NEGR1: variants seen among roughly 807,000 people sequenced by gnomAD.
NEGR1 encodes the protein neuronal growth regulator 1, also known as IgLON family member 4.
Under a neutral mutation model 40.9 loss-of-function variants are expected in NEGR1, and 10 were observed. That is an observed-to-expected ratio of 0.24 (90% CI 0.15 to 0.42). The LOEUF (loss-of-function observed/expected upper bound fraction) is 0.42. NEGR1 is among the 10% of genes least tolerant of loss of function. The probability of loss-of-function intolerance (pLI) is 1.00; values close to 1 mark genes in which losing one functional copy is unlikely to be tolerated. For missense variants in NEGR1, 352 were observed against 438.9 expected (o/e 0.80, Z 1.77); for synonymous variants, 185 against 166.8 (o/e 1.11, Z -0.84).
chr1:71,483,245 G>T (rs1308941117), intron 6 of NEGR1, among the ~76,000 whole-genome samples: 2 of 151,636 alleles, frequency 1.3e-5, no homozygotes, highest in Admixed American at 6.6e-5. Context: ...AAAAAAAATA[G>T]AAAATGAAGG....
chr1:71,858,191 T>A (rs1659840052), intron 2 of NEGR1, among the ~76,000 whole-genome samples: 1 of 152,226 alleles, frequency 6.6e-6, no homozygotes, highest in Non-Finnish European at 1.5e-5. Flanking sequence ...AGAGAGCTAC[T>A]ATTGAGACAT....
intron 1 of NEGR1, among the ~76,000 whole-genome samples, chr1:72,162,420 C>T (rs1361789656): frequency 1.3e-5 from 2 of 152,062 alleles, no homozygotes; most frequent in African/African-American, 4.8e-5. Context: ...CAGCCGAGAT[C>T]GTGCCACTGC....
intron 2 of NEGR1, among the ~76,000 whole-genome samples, chr1:71,898,606 C>CTCCG (rs1157575665): frequency 6.6e-6 from 1 of 151,950 alleles, no homozygotes; most frequent in East Asian, 1.9e-4. Flanking sequence ...CAGAGCGAGA[C>CTCCG]TCCGTCTCAA....
At chr1:71,729,895 G>C (rs1332240289) in intron 3 of NEGR1, among the ~76,000 whole-genome samples, 2 of 150,488 alleles carry the variant, frequency 1.3e-5, no homozygotes, top group African/African-American at 4.9e-5. Flanking sequence ...TCCCAGCCTA[G>C]TTGAATAGTT....
intron 2 of NEGR1, among the ~76,000 whole-genome samples, chr1:71,854,746 GA>G (rs1416715585): frequency 3.3e-5 from 5 of 152,016 alleles, no homozygotes; most frequent in Admixed American, 3.3e-4. Context: ...GCAAAGGGGG[GA>G]AAGTCCCTTA....
chr1:71,753,465 A>G (rs1655634811), intron 3 of NEGR1, among the ~76,000 whole-genome samples: 1 of 152,142 alleles, frequency 6.6e-6, no homozygotes, highest in Non-Finnish European at 1.5e-5. Flanking sequence ...CAGTGGTGTA[A>G]TATATCTCAG....
chr1:71,629,523 G>A (rs1650902213), intron 4 of NEGR1, among the ~76,000 whole-genome samples: 1 of 151,888 alleles, frequency 6.6e-6, no homozygotes, highest in African/African-American at 2.4e-5. Flanking sequence ...TCATGATTCG[G>A]CTTTCTGTTT....
chr1:71,524,634 C>A (rs1230544364), intron 6 of NEGR1, among the ~76,000 whole-genome samples: 2 of 151,584 alleles, frequency 1.3e-5, no homozygotes, highest in African/African-American at 4.8e-5. Flanking sequence ...TGATGACCAT[C>A]CAAAGATGTC....
intron 1 of NEGR1, among the ~76,000 whole-genome samples, chr1:71,954,262 T>C (rs1438109022): frequency 6.6e-6 from 1 of 151,828 alleles, no homozygotes; most frequent in Non-Finnish European, 1.5e-5. Flanking sequence ...CAATAGAGTG[T>C]ATGAAAGAAG....
chr1:72,161,074 C>T (rs1651538609), intron 1 of NEGR1, among the ~76,000 whole-genome samples: 1 of 152,080 alleles, frequency 6.6e-6, no homozygotes, highest in Admixed American at 6.5e-5. Context: ...GCAGTTGTTT[C>T]AGGAACTCCA....
intron 1 of NEGR1, among the ~76,000 whole-genome samples, chr1:72,116,037 C>A (rs1336272574): frequency 6.6e-6 from 1 of 151,606 alleles, no homozygotes; most frequent in East Asian, 1.9e-4. Context: ...CTCTTTAAAA[C>A]AAAAGGTGAA....
chr1:71,463,756 C>A (rs1646728380), intron 6 of NEGR1, among the ~76,000 whole-genome samples: 1 of 152,046 alleles, frequency 6.6e-6, no homozygotes, highest in African/African-American at 2.4e-5. Flanking sequence ...ATATTGAAAG[C>A]AAATTCATAG....
chr1:71,729,202 C>T (rs1394686252), intron 3 of NEGR1, among the ~76,000 whole-genome samples: 1 of 152,050 alleles, frequency 6.6e-6, no homozygotes, highest in Non-Finnish European at 1.5e-5. Flanking sequence ...CCTCACACCA[C>T]CAGTTGTGTG....
chr1:72,176,256 T>C (rs1329162177), intron 1 of NEGR1, among the ~76,000 whole-genome samples: 1 of 152,150 alleles, frequency 6.6e-6, no homozygotes, highest in African/African-American at 2.4e-5. Context: ...CAAACTTTTC[T>C]CTGTGACTAT....
At chr1:71,916,748 C>T (rs571926678) in intron 2 of NEGR1, among the ~76,000 whole-genome samples, 1 of 152,182 alleles carries the variant, frequency 6.6e-6, no homozygotes, top group African/African-American at 2.4e-5. Context: ...AAGAGTGAAA[C>T]TCTGTAAAAA....
chr1:71,611,930 T>A (rs1341951674), intron 4 of NEGR1, among the ~76,000 whole-genome samples: 1 of 152,120 alleles, frequency 6.6e-6, no homozygotes, highest in Non-Finnish European at 1.5e-5. Context: ...TTGATAGAAA[T>A]GTATTGCATT....
intron 2 of NEGR1, among the ~76,000 whole-genome samples, chr1:71,894,343 T>C (rs1190857561): frequency 6.6e-6 from 1 of 152,086 alleles, no homozygotes; most frequent in Non-Finnish European, 1.5e-5. Context: ...AGTTCAAGAA[T>C]CAGGGGAACC....
chr1:71,679,791 A>G lies in NEGR1; in HGVS notation c.667+18217T>C, dbSNP rs139320277. ...GAAAGAGAAAGCAAATAATTTTTCA[A>G]TATTAAGGTGTTTAATGTAGATATT... On this transcript the variant is annotated intron_variant, in intron 4 of 6. Coordinates refer to ENST00000357731, the MANE Select transcript of NEGR1 (RefSeq NM_173808.3). 1.3e-3 allele frequency among the ~76,000 whole-genome samples: 195 copies of G among 152,238 alleles called. 5 individuals are homozygous for G. The East Asian group carries it at 0.035, about 27-fold the overall frequency.
chr1:72,177,846 G>A (rs961451164), intron 1 of NEGR1, among the ~76,000 whole-genome samples: 1 of 151,384 alleles, frequency 6.6e-6, no homozygotes, highest in African/African-American at 2.4e-5. Context: ...AATGACTAGG[G>A]AACACCTCCA....
Sources: gnomAD v4.1 joint callset for allele counts (sites outside exome capture counted in the v4.1 genomes callset) on GRCh38, gnomAD v4.1.1 for gene constraint, MANE v1.5 for transcripts, NCBI Gene and HGNC (gene_info 2026-07-23, HGNC 2026-07-21) for gene names.